Variants in SPHKAP observed in about 807,000 individuals in gnomAD.
The protein encoded by SPHKAP is SPHK1 interactor, AKAP domain containing.
SPHKAP carries 67 observed loss-of-function variants against 137.5 expected under a neutral mutation model. The ratio of observed to expected loss-of-function variants is 0.49; its 90% CI spans 0.40 to 0.60. The LOEUF (loss-of-function observed/expected upper bound fraction) is 0.60, where lower values mean the gene tolerates loss of function less well. Ranked by LOEUF, SPHKAP falls within the 20% of genes least tolerant of loss-of-function variation. The probability of loss-of-function intolerance (pLI) is 0.00; values close to 1 mark genes in which losing one functional copy is unlikely to be tolerated. For missense variants in SPHKAP, 2,097 were observed against 2,069.3 expected (o/e 1.01, Z -0.26); for synonymous variants, 813 against 785.3 (o/e 1.04, Z -0.59).
intron 3 of SPHKAP, among the ~76,000 whole-genome samples, chr2:228,064,296 A>C (rs1696754671): frequency 6.6e-6 from 1 of 152,218 alleles, no homozygotes; most frequent in African/African-American, 2.4e-5. Flanking sequence ...ATCACGACTC[A>C]ACTTAGTATT....
intron 7 of SPHKAP, among the ~76,000 whole-genome samples, chr2:228,005,782 A>G (rs1694104539): frequency 6.6e-6 from 1 of 152,048 alleles, no homozygotes; most frequent in Non-Finnish European, 1.5e-5. Context: ...TTGTCTGTAA[A>G]GTATTTTATT....
intron 2 of SPHKAP, among the ~76,000 whole-genome samples, chr2:228,113,288 G>T (rs1698576138): frequency 1.3e-5 from 2 of 151,946 alleles, no homozygotes; most frequent in Non-Finnish European, 2.9e-5. Flanking sequence ...AGAACTGTCT[G>T]GGCTAACATC....
chr2:228,178,708 G>C (rs1700811318), intron 1 of SPHKAP, among the ~76,000 whole-genome samples: 1 of 151,666 alleles, frequency 6.6e-6, no homozygotes. Context: ...TGGATTCCAG[G>C]TCTATAACGC....
chr2:228,161,379 C>A (rs1403558142), intron 1 of SPHKAP, among the ~76,000 whole-genome samples: 1 of 152,174 alleles, frequency 6.6e-6, no homozygotes, highest in East Asian at 1.9e-4. Flanking sequence ...AATCTAGAAA[C>A]AATGATATTT....
At chr2:228,032,170 C>T (rs554281527) in intron 3 of SPHKAP, among the ~76,000 whole-genome samples, 53 of 152,166 alleles carry the variant, frequency 3.5e-4, no homozygotes, top group African/African-American at 6.3e-4. Context: ...GAATAACCAA[C>T]GCAGAGAAGT....
At chr2:228,114,543 A>G (rs1423201442) in intron 2 of SPHKAP, among the ~76,000 whole-genome samples, 1 of 152,176 alleles carries the variant, frequency 6.6e-6, no homozygotes, top group Non-Finnish European at 1.5e-5. Flanking sequence ...TACGTCTATT[A>G]CATGAAGATA....
chr2:228,018,216 G>A lies in SPHKAP; in HGVS notation c.2638C>T (p.His880Tyr), dbSNP rs748439215. The A allele has an allele frequency of 6.2e-7, 1 of 1,614,168 alleles. No homozygotes were observed. The highest frequency in any genetic ancestry group is 1.7e-5 in the Admixed American group (1 of 60,012). ...TTGTACTTTTCTTGGGTGTTTGGGT[G>A]GATACTCTCCTCAGCCTCCTGGGAA... The part of the protein sequence containing the change: ...SGSQEAEESI[H>Y]PNTQEKYNCA... Residue 880 changes from histidine to tyrosine, a missense_variant, in exon 7 of 12, where the codon CAC (histidine) becomes TAC (tyrosine). His to Tyr is a moderately conservative substitution (Grantham distance 83). Coordinates refer to ENST00000392056, the MANE Select transcript of SPHKAP (RefSeq NM_001142644.2).
intron 3 of SPHKAP, among the ~76,000 whole-genome samples, chr2:228,069,426 TC>T (rs1388971606): frequency 6.7e-6 from 1 of 148,464 alleles, no homozygotes; most frequent in Non-Finnish European, 1.5e-5. Context: ...TTCTTTTTTT[TC>T]CTCTTTTTTC....
chr2:228,160,873 C>T (rs541968894), intron 1 of SPHKAP, among the ~76,000 whole-genome samples: 4 of 152,158 alleles, frequency 2.6e-5, no homozygotes, highest in Non-Finnish European at 5.9e-5. Context: ...GAGTTCTCTG[C>T]GCTCACAGGT....
intron 3 of SPHKAP, among the ~76,000 whole-genome samples, chr2:228,058,737 T>C (rs1284387911): frequency 2.2e-4 from 33 of 152,242 alleles, no homozygotes; most frequent in Admixed American, 2.2e-3. Flanking sequence ...GAAGAGTCTT[T>C]TAAAAGTAGG....
intron 3 of SPHKAP, among the ~76,000 whole-genome samples, chr2:228,042,011 GA>G (rs1261834600): frequency 6.6e-6 from 1 of 152,092 alleles, no homozygotes; most frequent in Admixed American, 6.5e-5. Flanking sequence ...GGAAAAGGGA[GA>G]AGAAAGTGAA....
At chr2:228,148,352 G>A (rs1445802353) in intron 1 of SPHKAP, among the ~76,000 whole-genome samples, 1 of 152,302 alleles carries the variant, frequency 6.6e-6, no homozygotes, top group South Asian at 2.1e-4. Context: ...AACTAAAAAT[G>A]TCTGCCACCT....
chr2:228,094,138 A>T lies in SPHKAP; in HGVS notation c.246+14694T>A, dbSNP rs191886728. Among the ~76,000 whole-genome samples, 10 of 152,330 alleles carry T rather than the reference A, an allele frequency of 6.6e-5. No homozygotes were observed. In the East Asian group the frequency reaches 1.7e-3, roughly 26 times the overall value. ...TGCAAATATCTTAAGCCTCAAATAA[A>T]CATGATAATCTTATAATGAATAAAT... On this transcript the variant is annotated intron_variant, in intron 3 of 11. Coordinates refer to ENST00000392056, the MANE Select transcript of SPHKAP (RefSeq NM_001142644.2).
chr2:228,119,934 T>C (rs1698853130), intron 2 of SPHKAP, among the ~76,000 whole-genome samples: 1 of 152,180 alleles, frequency 6.6e-6, no homozygotes, highest in African/African-American at 2.4e-5. Context: ...TATTCTGTAA[T>C]TCTATTTGGT....
At chr2:228,014,060 G>T (rs1203699045) in intron 7 of SPHKAP, among the ~76,000 whole-genome samples, 1 of 152,058 alleles carries the variant, frequency 6.6e-6, no homozygotes, top group Admixed American at 6.5e-5. Flanking sequence ...GCATTGAATT[G>T]TACCTATTTT....
chr2:228,177,222 C>T (rs1700771351), intron 1 of SPHKAP, among the ~76,000 whole-genome samples: 1 of 150,572 alleles, frequency 6.6e-6, no homozygotes, highest in African/African-American at 2.4e-5. Flanking sequence ...TTGGGAATTG[C>T]CTTCAGAATT....
At chr2:228,033,214 G>T (rs1014482340) in intron 3 of SPHKAP, among the ~76,000 whole-genome samples, 45 of 152,054 alleles carry the variant, frequency 3.0e-4, no homozygotes, top group Non-Finnish European at 5.7e-4. Context: ...ACAAAAAAAG[G>T]CAGGGGTTGC....
chr2:228,114,345 A>T (rs1190652253), intron 2 of SPHKAP, among the ~76,000 whole-genome samples: 1 of 152,144 alleles, frequency 6.6e-6, no homozygotes, highest in African/African-American at 2.4e-5. Flanking sequence ...GAGAGGGAGA[A>T]ATAGACTTTG....
chr2:227,995,422 G>A (rs2106168011), intron 8 of SPHKAP, 87 bp downstream of exon 8: 3 of 1,494,866 alleles, frequency 2.0e-6, no homozygotes, highest in East Asian at 2.3e-5. Context: ...TCTTTATTAG[G>A]GACCCTTTGC....
Sources: gnomAD v4.1 joint callset for allele counts (sites outside exome capture counted in the v4.1 genomes callset) on GRCh38, gnomAD v4.1.1 for gene constraint, MANE v1.5 for transcripts, NCBI Gene and HGNC (gene_info 2026-07-23, HGNC 2026-07-21) for gene names.